Variants in PKNOX2 observed in about 807,000 individuals in gnomAD.
PKNOX2 encodes the protein homeobox protein PKNOX2.
PKNOX2 carries 14 observed loss-of-function variants against 53.1 expected under a neutral mutation model. The observed-to-expected ratio is 0.26, with a 90% confidence interval of 0.17 to 0.41. The LOEUF is 0.41. PKNOX2 is among the 10% of genes least tolerant of loss of function. The probability of loss-of-function intolerance (pLI) is 1.00; values close to 1 mark genes in which losing one functional copy is unlikely to be tolerated. For synonymous variants in PKNOX2, 257 were observed against 242.8 expected (o/e 1.06, Z -0.54); for missense variants, 496 against 602.8 (o/e 0.82, Z 1.85).
chr11:125,419,570 C>T (rs1349910989), intron 10 of PKNOX2, among the ~76,000 whole-genome samples: 2 of 151,570 alleles, frequency 1.3e-5, no homozygotes, highest in South Asian at 2.1e-4. Flanking sequence ...CACTTGCATA[C>T]GTATTAAGGA....
intron 2 of PKNOX2, among the ~76,000 whole-genome samples, chr11:125,300,065 A>G (rs1191597247): frequency 6.6e-6 from 1 of 152,242 alleles, no homozygotes; most frequent in Non-Finnish European, 1.5e-5. Flanking sequence ...CGGCCTGTCA[A>G]CCAGCATCCT....
At chr11:125,367,241 A>C (rs1240200873) in intron 4 of PKNOX2, among the ~76,000 whole-genome samples, 2 of 152,266 alleles carry the variant, frequency 1.3e-5, no homozygotes, top group Non-Finnish European at 2.9e-5. Context: ...AACGTGTCAC[A>C]GATTATGAAA....
intron 6 of PKNOX2, among the ~76,000 whole-genome samples, chr11:125,388,510 C>T (rs1409635372): frequency 6.6e-6 from 1 of 152,034 alleles, no homozygotes; most frequent in African/African-American, 2.4e-5. Context: ...TTCCTTTGCC[C>T]TTGAATATTG....
chr11:125,186,696 GC>G (rs1236404674), intron 1 of PKNOX2, among the ~76,000 whole-genome samples: 2 of 152,104 alleles, frequency 1.3e-5, no homozygotes, highest in African/African-American at 4.8e-5. Context: ...GTCCTTTGAT[GC>G]ACAAAAGTTT....
At position 125,429,069 on chromosome 11, in the gene PKNOX2, C is replaced by T; in HGVS notation, c.994C>T (p.Leu332Phe). 1 of 1,613,298 alleles carries T rather than the reference C, an allele frequency of 6.2e-7. No individual in the cohort carries two copies. The highest frequency in any genetic ancestry group is 8.5e-7 in the Non-Finnish European group (1 of 1,179,234). Residue 332 changes from leucine (L) to phenylalanine (F), a missense_variant, in exon 11 of 13, where the codon CTC (leucine) becomes TTC (phenylalanine). Around this residue, in one of 5 missense-constraint regions of PKNOX2, gnomAD observed 36 missense variants for 81.9 expected, o/e 0.44. Transcript: ENST00000298282. ...GATCGCAGCCCAGACCAACCTCACC[C>T]TCCTGCAAGTAAACAACTGGTGAGT... The part of the protein sequence containing the change: ...RQIAAQTNLT[L>F]LQVNNWFINA...
At chr11:125,287,686 C>G (rs1946998225) in intron 2 of PKNOX2, 1 of 152,296 alleles carries the variant, frequency 6.6e-6, no homozygotes, top group African/African-American at 2.4e-5. Context: ...TTCCTGAAGA[C>G]TCAGTCTTCT....
intron 6 of PKNOX2, among the ~76,000 whole-genome samples, chr11:125,388,043 C>T (rs1953767322): frequency 6.6e-6 from 1 of 151,988 alleles, no homozygotes; most frequent in Admixed American, 6.6e-5. Context: ...TGCAGGGCCC[C>T]TCCGTCAAGG....
At chr11:125,314,995 A>G (rs191875841) in intron 2 of PKNOX2, among the ~76,000 whole-genome samples, 17 of 152,242 alleles carry the variant, frequency 1.1e-4, no homozygotes, top group African/African-American at 4.1e-4. Context: ...GTGGCCAGCA[A>G]GTCACACCCC....
At chr11:125,262,135 A>G (rs757849529) in intron 2 of PKNOX2, among the ~76,000 whole-genome samples, 36 of 152,198 alleles carry the variant, frequency 2.4e-4, no homozygotes, top group Admixed American at 2.0e-4. Context: ...ACCTGCTCAC[A>G]AGACGCCTTT....
chr11:125,244,987 C>G (rs1233397330), intron 2 of PKNOX2, among the ~76,000 whole-genome samples: 1 of 152,158 alleles, frequency 6.6e-6, no homozygotes, highest in Non-Finnish European at 1.5e-5. Flanking sequence ...TGCCGCCACT[C>G]CCCACCTGGG....
At chr11:125,389,381 G>T (rs1229009540) in intron 6 of PKNOX2, among the ~76,000 whole-genome samples, 1 of 152,130 alleles carries the variant, frequency 6.6e-6, no homozygotes, top group African/African-American at 2.4e-5. Flanking sequence ...GCAAATAAAA[G>T]TGCCCCCGAT....
At chr11:125,398,969 A>G (rs906170492) in intron 7 of PKNOX2, among the ~76,000 whole-genome samples, 1 of 152,250 alleles carries the variant, frequency 6.6e-6, no homozygotes, top group African/African-American at 2.4e-5. Context: ...AAGTAGTGCC[A>G]AAGAAAGGCT....
chr11:125,239,717 T>A (rs1943003977), intron 2 of PKNOX2: 1 of 152,246 alleles, frequency 6.6e-6, no homozygotes, highest in Non-Finnish European at 1.5e-5. Context: ...GATGGGAACC[T>A]ATGCTCGAAG....
chr11:125,296,018 ACTCCT>A (rs1947634514), intron 2 of PKNOX2, among the ~76,000 whole-genome samples: 2 of 151,080 alleles, frequency 1.3e-5, no homozygotes, highest in East Asian at 1.9e-4. Context: ...GGTCCCCCTG[ACTCCT>A]CTCTTTCTCT....
intron 1 of PKNOX2, among the ~76,000 whole-genome samples, chr11:125,205,045 C>T (rs1027200653): frequency 6.6e-6 from 1 of 152,214 alleles, no homozygotes; most frequent in African/African-American, 2.4e-5. Context: ...TGCTGTAGTC[C>T]CAGAACCCAG....
At chr11:125,368,917 T>C (rs984330218) in intron 5 of PKNOX2, among the ~76,000 whole-genome samples, 1 of 152,234 alleles carries the variant, frequency 6.6e-6, no homozygotes, top group African/African-American at 2.4e-5. Context: ...TATTCCCTTG[T>C]GGGAGCTTAT....
At chr11:125,282,844 A>C (rs1344908927) in intron 2 of PKNOX2, among the ~76,000 whole-genome samples, 2 of 152,184 alleles carry the variant, frequency 1.3e-5, no homozygotes, top group African/African-American at 4.8e-5. Flanking sequence ...GAAGGAATGA[A>C]TTTTACATTT....
At chr11:125,399,648 T>C (rs947383326) in intron 7 of PKNOX2, among the ~76,000 whole-genome samples, 38 of 152,226 alleles carry the variant, frequency 2.5e-4, no homozygotes, top group African/African-American at 8.9e-4. Flanking sequence ...GGAAAAGTAA[T>C]GAGGATTTAG....
chr11:125,354,229 G>A (rs572197569), intron 4 of PKNOX2, among the ~76,000 whole-genome samples: 2 of 152,116 alleles, frequency 1.3e-5, no homozygotes, highest in Non-Finnish European at 2.9e-5. Flanking sequence ...AGAACCAGCC[G>A]CTCTCTGAGA....
Sources: allele counts gnomAD v4.1 joint callset (sites outside exome capture counted in the v4.1 genomes callset), GRCh38; gene constraint gnomAD v4.1.1; regional missense constraint gnomAD v4.1.1; transcripts MANE v1.5; gene names NCBI Gene and HGNC (gene_info 2026-07-23, HGNC 2026-07-21).